Variants in DYSF observed in about 807,000 individuals in gnomAD.
DYSF encodes dystrophy-associated fer-1-like 1.
Under a neutral mutation model 274.9 loss-of-function variants are expected in DYSF, and 212 were observed. The observed-to-expected ratio is 0.77, with a 90% confidence interval of 0.69 to 0.86. The LOEUF (loss-of-function observed/expected upper bound fraction) is 0.86, where lower values mean the gene tolerates loss of function less well. Among genes scored for constraint, DYSF ranks in the 40% least tolerant of loss-of-function variants. DYSF has a pLI of 0.00. For missense variants in DYSF, 2,666 were observed against 2,783.2 expected, an observed-to-expected ratio of 0.96 and a Z score of 0.95; for synonymous variants, 1,091 against 1,078.7, an observed-to-expected ratio of 1.01 and a Z score of -0.22.
intron 4 of DYSF, among the ~76,000 whole-genome samples, chr2:71,504,845 T>A (rs150604590): frequency 6.6e-6 from 1 of 152,328 alleles, no homozygotes; most frequent in East Asian, 1.9e-4. Context: ...ATCCCCTCCA[T>A]ACCTCCCTTC....
Position 71,515,726 on chromosome 2 carries a change from A to G in DYSF, c.863A>G (p.Lys288Arg). The G allele has an allele frequency of 6.2e-7, 1 of 1,614,192 alleles. No individual in the cohort carries two copies. Among genetic ancestry groups the G allele is most frequent in the Non-Finnish European group, 8.5e-7 (1 of 1,180,036 alleles). The change falls in exon 8 of 56, where the codon AAG becomes AGG. Residue 288 changes from lysine (K) to arginine (R), a missense_variant. By Grantham distance (26) the Lys-to-Arg change is conservative (BLOSUM62 2). Transcript: ENST00000410020. ...CAGACCAAGCGGACGCGGATCCACA[A>G]GGGAAACAGCCCACTCTTCAATGAG... Reference protein sequence around the residue: ...AGQTKRTRIHKGNSPLFNETL... With the variant: ...AGQTKRTRIHRGNSPLFNETL...
rs117285326 is a variant in DYSF at position 71,578,020 on chromosome 2, C to T, written c.3402+3649C>T. 2.5e-3 allele frequency among the ~76,000 whole-genome samples: 379 copies of T among 152,296 alleles called. 5 individuals carry two copies. Among genetic ancestry groups the T allele is most frequent in the East Asian group, 0.016 (81 of 5,184 alleles). On this transcript the variant is annotated intron_variant, in intron 30 of 55. Coordinates refer to ENST00000410020, the MANE Select transcript of DYSF (RefSeq NM_001130987.2). ...CTCATGCCATTAGCAACTCTGTTAC[C>T]TCACTCGTGCAAGTAACTGAATCCC... is the stretch of plus-strand genomic sequence containing the variant.
chr2:71,501,240 C>A (rs531141167), intron 3 of DYSF, among the ~76,000 whole-genome samples: 1 of 152,248 alleles, frequency 6.6e-6, no homozygotes, highest in East Asian at 1.9e-4. Flanking sequence ...CCTCTATCCC[C>A]TTCTTTCAGA....
chr2:71,524,112 C>T (rs2087601994), intron 12 of DYSF, among the ~76,000 whole-genome samples: 1 of 152,184 alleles, frequency 6.6e-6, no homozygotes, highest in South Asian at 2.1e-4. Context: ...AATGCCTTCC[C>T]TCTCTTTGCC....
At position 71,611,745 on chromosome 2, in the gene DYSF, A is replaced by G. The variant is rs1814333; in HGVS notation, c.4221+119A>G. On this transcript the variant is annotated intron_variant, in intron 38 of 55. Transcript: ENST00000410020. ...TGCGGGATCCAGGGTAGGACCCCTCACTTTCCTGTGAACATGGGGAGAAAT... is the reference window on the plus strand; with the variant it reads ...TGCGGGATCCAGGGTAGGACCCCTCGCTTTCCTGTGAACATGGGGAGAAAT... The G allele has an allele frequency of 0.036, 46,768 of 1,300,514 alleles. 2,243 individuals are homozygous for G. The highest frequency in any genetic ancestry group is 0.23 in the African/African-American group (15,433 of 68,116). The allele number at this position is 1,300,514 out of a possible 1,614,324, so 80.6% of individuals were successfully genotyped here. A position where few individuals can be genotyped will look rare whatever the true frequency, so the allele number is the denominator to read the frequency against.
chr2:71,569,988 A>G, intron 27 of DYSF, 54 bp downstream of exon 27: 1 of 1,508,008 alleles, frequency 6.6e-7, no homozygotes. Context: ...CTCTGGAGGC[A>G]CCTGGTGCTC....
intron 17 of DYSF, among the ~76,000 whole-genome samples, chr2:71,548,898 T>A (rs2090703664): frequency 6.6e-6 from 1 of 152,238 alleles, no homozygotes; most frequent in African/African-American, 2.4e-5. Flanking sequence ...GCCTGCGGGC[T>A]TGGAGTGTGG....
intron 12 of DYSF, among the ~76,000 whole-genome samples, chr2:71,523,788 A>T (rs903824327): frequency 2.6e-5 from 4 of 151,440 alleles, no homozygotes; most frequent in African/African-American, 9.7e-5. Context: ...CTTGTGATCC[A>T]CTCGCCTCGG....
Position 71,679,117 on chromosome 2 carries a change from C to T in DYSF, c.5945C>T (p.Ser1982Phe), listed in dbSNP as rs142160134. The T allele has an allele frequency of 1.2e-6, 2 of 1,613,878 alleles. No individual in the cohort carries two copies. The highest frequency in any genetic ancestry group is 1.3e-5 in the African/African-American group (1 of 74,880). ...CCAGCCAAGACAGCCAAGAAGTGCT[C>T]CTTGGACCAGCTGGATGATGCTTTC... ...PKPAKTAKKC[S>F]LDQLDDAFHP... The change falls in exon 53 of 56, where the codon TCC becomes TTC. Residue 1982 changes from serine (S) to phenylalanine (F), a missense_variant. Transcript: ENST00000410020.
intron 32 of DYSF, among the ~76,000 whole-genome samples, chr2:71,596,653 T>A (rs2093416431): frequency 6.6e-6 from 1 of 151,846 alleles, no homozygotes; most frequent in African/African-American, 2.4e-5. Flanking sequence ...CCAGAGAGGC[T>A]CCCACCAGGT....
At chr2:71,561,389 G>A (rs755377085) in intron 22 of DYSF, among the ~76,000 whole-genome samples, 28 of 152,082 alleles carry the variant, frequency 1.8e-4, no homozygotes, top group African/African-American at 6.3e-4. Context: ...CAGGAGGCAG[G>A]AGCAGGACCC....
At chr2:71,579,302 G>C (rs553383322) in intron 30 of DYSF, among the ~76,000 whole-genome samples, 8 of 152,110 alleles carry the variant, frequency 5.3e-5, no homozygotes, top group Non-Finnish European at 1.2e-4. Context: ...GTTGGGAAAG[G>C]TTCTCTGAGA....
chr2:71,519,894 T>G (rs1195592145), intron 10 of DYSF, among the ~76,000 whole-genome samples: 1 of 148,568 alleles, frequency 6.7e-6, no homozygotes, highest in African/African-American at 2.5e-5. Context: ...AACTCCTGAC[T>G]TCAAGTGATC....
intron 17 of DYSF, among the ~76,000 whole-genome samples, chr2:71,544,676 G>C (rs1343011636): frequency 6.6e-6 from 1 of 152,012 alleles, no homozygotes; most frequent in Non-Finnish European, 1.5e-5. Flanking sequence ...GGCCAGGCTG[G>C]TCTCGAACTC....
chr2:71,602,570 A>AG, intron 35 of DYSF: 1 of 552,602 alleles, frequency 1.8e-6, no homozygotes, highest in African/African-American at 1.9e-5. Flanking sequence ...CTTCTTTCCC[A>AG]GGGACCACTT....
intron 51 of DYSF, 53 bp from the exon 52 acceptor site, chr2:71,674,144 C>G: frequency 6.5e-7 from 1 of 1,545,326 alleles, no homozygotes; most frequent in East Asian, 2.3e-5. Context: ...GGGAACACTG[C>G]CTCTCTCTAA....
rs1448448622 is a variant in DYSF at position 71,664,179 on chromosome 2, C to A, written c.5004-89C>A. The A allele has an allele frequency of 2.6e-6, 4 of 1,557,136 alleles. No homozygotes were observed. In the African/African-American group the frequency reaches 5.4e-5, roughly 21 times the overall value. On this transcript the variant is annotated intron_variant, in intron 45 of 55. Coordinates refer to ENST00000410020, the MANE Select transcript of DYSF (RefSeq NM_001130987.2). Reference sequence around the variant, plus strand: ...GTAGGGGGCCCAAGGAAAGAAGACTCCCTGGGGTAGTTTCGAGCTCTTGTC... The same window carrying A: ...GTAGGGGGCCCAAGGAAAGAAGACTACCTGGGGTAGTTTCGAGCTCTTGTC...
rs759386758 is a variant in DYSF at position 71,535,340 on chromosome 2, G to A, written c.1493+29G>A. On this transcript the variant is annotated intron_variant, in intron 16 of 55. Coordinates refer to ENST00000410020, the MANE Select transcript of DYSF (RefSeq NM_001130987.2). ...AGTTCTGAGTCTTGGAGTCTTTAGG[G>A]CGGGCTGTCCTGAGGGGGCGCTGGG... 1.2e-5 allele frequency: 19 copies of A among 1,612,526 alleles called. No individual in the cohort carries two copies. The Middle Eastern group carries it at 8.2e-4, about 70-fold the overall frequency.
At chr2:71,656,342 G>C in intron 43 of DYSF, 52 bp downstream of exon 43, 19 of 1,610,584 alleles carry the variant, frequency 1.2e-5, no homozygotes, top group Non-Finnish European at 1.5e-5. Context: ...CTGTGGTGTT[G>C]GAGCAATAAG....
Sources: allele counts gnomAD v4.1 joint callset (sites outside exome capture counted in the v4.1 genomes callset), GRCh38; gene constraint gnomAD v4.1.1; transcripts MANE v1.5; gene names NCBI Gene and HGNC (gene_info 2026-07-23, HGNC 2026-07-21).